Variants in DOCK5 observed in about 807,000 individuals in gnomAD.
DOCK5 encodes dedicator of cytokinesis protein 5.
DOCK5 carries 142 observed loss-of-function variants against 251.8 expected under a neutral mutation model. The observed-to-expected ratio is 0.56, with a 90% CI of 0.49 to 0.65. DOCK5 has a LOEUF of 0.65. Among genes scored for constraint, DOCK5 ranks in the 30% least tolerant of loss-of-function variants. The pLI, the probability that DOCK5 is intolerant of heterozygous loss-of-function variation, is 0.00. For synonymous variants in DOCK5, 842 were observed against 835.5 expected (o/e 1.01, Z -0.13); for missense variants, 2,111 against 2,312.3 (o/e 0.91, Z 1.79).
chr8:25,262,003 A>G (rs976495973), intron 2 of DOCK5, among the ~76,000 whole-genome samples: 1 of 152,244 alleles, frequency 6.6e-6, no homozygotes, highest in African/African-American at 2.4e-5. Flanking sequence ...AGTAAGTAAT[A>G]TATACATATA....
At position 25,253,073 on chromosome 8, in the gene DOCK5, C is replaced by T. The variant is rs561424870; in HGVS notation, c.127+9316C>T. Among the ~76,000 whole-genome samples, 10 of 152,284 alleles carry T rather than the reference C, an allele frequency of 6.6e-5. No homozygotes were observed. The South Asian group carries it at 2.1e-3, about 32-fold the overall frequency. On this transcript the variant is annotated intron_variant, in intron 2 of 51. Transcript: ENST00000276440. ...TCCTGGCCTCATGTGATCTGCCCAC[C>T]TTGGCCTCCCAAAGTGCTGGGATTG... is the stretch of plus-strand genomic sequence containing the variant.
chr8:25,199,740 G>A (rs1801835104), intron 1 of DOCK5, among the ~76,000 whole-genome samples: 2 of 152,200 alleles, frequency 1.3e-5, no homozygotes, highest in South Asian at 4.1e-4. Context: ...AGGAGGAGAT[G>A]CAGCCTCTTC....
At chr8:25,264,900 T>C (rs954863483) in intron 2 of DOCK5, among the ~76,000 whole-genome samples, 2 of 151,994 alleles carry the variant, frequency 1.3e-5, no homozygotes, top group Non-Finnish European at 2.9e-5. Context: ...CTTCCTGCTG[T>C]ACTTAGAATA....
intron 1 of DOCK5, among the ~76,000 whole-genome samples, chr8:25,243,000 C>CA (rs1802994609): frequency 6.6e-6 from 1 of 152,240 alleles, no homozygotes; most frequent in Admixed American, 6.5e-5. Context: ...CACTGACTAA[C>CA]AAAATCCCAC....
chr8:25,305,329 A>G (rs905892223), intron 11 of DOCK5: 1 of 151,958 alleles, frequency 6.6e-6, no homozygotes, highest in African/African-American at 2.4e-5. Flanking sequence ...AAAGTTAGCT[A>G]GCCATTTAAG....
At chr8:25,319,519 G>A (rs2117198232) in intron 14 of DOCK5, 59 bp from the exon 15 acceptor site, 1 of 1,208,942 alleles carries the variant, frequency 8.3e-7, no homozygotes, top group African/African-American at 1.5e-5. Flanking sequence ...TGGTATATGG[G>A]GTCCTCTTAC....
At chr8:25,388,980 T>G in intron 40 of DOCK5, 111 bp from the exon 41 acceptor site, 2 of 968,238 alleles carry the variant, frequency 2.1e-6, no homozygotes, top group Non-Finnish European at 3.1e-6. Flanking sequence ...AACTTGATGG[T>G]GGGGATTGAA....
At chr8:25,204,729 C>T (rs1434080174) in intron 1 of DOCK5, among the ~76,000 whole-genome samples, 1 of 152,200 alleles carries the variant, frequency 6.6e-6, no homozygotes, top group Non-Finnish European at 1.5e-5. Context: ...ATATACTCTT[C>T]AGACTGGCTA....
chr8:25,319,247 A>G (rs570248828), intron 14 of DOCK5, among the ~76,000 whole-genome samples: 7 of 152,308 alleles, frequency 4.6e-5, no homozygotes, highest in Non-Finnish European at 7.3e-5. Flanking sequence ...ACTTCTCGTC[A>G]TCGTCATGTT....
chr8:25,368,932 C>A (rs62502311), intron 33 of DOCK5, among the ~76,000 whole-genome samples: 1 of 152,170 alleles, frequency 6.6e-6, no homozygotes, highest in African/African-American at 2.4e-5. Flanking sequence ...TGCTACATGT[C>A]TTTCCTAAGG....
intron 27 of DOCK5, among the ~76,000 whole-genome samples, chr8:25,358,376 G>A (rs1053397491): frequency 6.6e-5 from 10 of 152,118 alleles, no homozygotes; most frequent in African/African-American, 1.7e-4. Context: ...GAGTGTAACC[G>A]TTCCCATGAT....
chr8:25,382,216 A>G (rs916827522), intron 39 of DOCK5, among the ~76,000 whole-genome samples: 18 of 152,088 alleles, frequency 1.2e-4, no homozygotes, highest in African/African-American at 2.7e-4. Flanking sequence ...GCCTCAAGCA[A>G]TCCTCCCACC....
At chr8:25,197,768 T>TTTTTTTTG (rs1563304515) in intron 1 of DOCK5, among the ~76,000 whole-genome samples, 4 of 148,168 alleles carry the variant, frequency 2.7e-5, no homozygotes, top group Non-Finnish European at 4.5e-5. Flanking sequence ...TTTTTTTTTT[T>TTTTTTTTG]GAGACGGAGT....
chr8:25,314,108 CTTTTTTTTT>C (rs71214561), intron 13 of DOCK5, among the ~76,000 whole-genome samples: 5 of 115,246 alleles, frequency 4.3e-5, no homozygotes, highest in Admixed American at 4.1e-4. Flanking sequence ...GGACTCCCCT[CTTTTTTTTT>C]TTTTTTTTTT....
intron 13 of DOCK5, among the ~76,000 whole-genome samples, chr8:25,313,948 G>T (rs896609708): frequency 1.3e-4 from 5 of 38,026 alleles, no homozygotes; most frequent in Non-Finnish European, 3.9e-4. Flanking sequence ...GCCCAGAACA[G>T]CCCTCTTTCT....
At chr8:25,258,182 A>G (rs1164412206) in intron 2 of DOCK5, among the ~76,000 whole-genome samples, 6 of 151,542 alleles carry the variant, frequency 4.0e-5, no homozygotes, top group African/African-American at 4.8e-5. Context: ...TCATCTCTCT[A>G]TTTTGCTGAC....
rs1373000786 is a variant in DOCK5 at position 25,372,540 on chromosome 8, T to A, written c.3525-19T>A. 2 of 1,553,798 alleles carry A rather than the reference T, an allele frequency of 1.3e-6. No homozygotes were observed. The highest frequency in any genetic ancestry group is 2.5e-5 in the South Asian group (2 of 80,006). ...ATAGCATGGAACCTGGGCTTTTGTC[T>A]CTCCCTCCGCCCCTCCAGGCTCCTA... On this transcript the variant is annotated intron_variant, in intron 34 of 51. Coordinates refer to ENST00000276440, the MANE Select transcript of DOCK5 (RefSeq NM_024940.8).
rs945787039 is a variant in DOCK5, at chr8:25,217,261, C to CTATATATGCA, written c.44-26396_44-26387dup. On this transcript the variant is annotated intron_variant, in intron 1 of 51. Coordinates refer to ENST00000276440, the MANE Select transcript of DOCK5 (RefSeq NM_024940.8). ...TGTATACAATATGTATATATGTATACTATATATGCATATATATGCATATAT... is the reference window on the plus strand; with the variant it reads ...TGTATACAATATGTATATATGTATACTATATATGCATATATATGCATATATATGCATATAT... Among the ~76,000 whole-genome samples the CTATATATGCA allele has an allele frequency of 3.7e-4, 55 of 150,434 alleles. No homozygotes were observed. In the Admixed American group the frequency reaches 3.7e-3, roughly 10 times the overall value.
intron 5 of DOCK5, among the ~76,000 whole-genome samples, chr8:25,282,477 A>T (rs952797315): frequency 2.0e-5 from 3 of 152,032 alleles, no homozygotes; most frequent in African/African-American, 7.3e-5. Flanking sequence ...ATAAATACAG[A>T]TTTTACTAGT....
Sources: allele counts gnomAD v4.1 joint callset (sites outside exome capture counted in the v4.1 genomes callset), GRCh38; gene constraint gnomAD v4.1.1; transcripts MANE v1.5; gene names NCBI Gene and HGNC (gene_info 2026-07-23, HGNC 2026-07-21).